STK32B: variants seen among roughly 807,000 people sequenced by gnomAD.
STK32B encodes the protein serine/threonine-protein kinase 32B.
STK32B carries 43 observed loss-of-function variants against 52.6 expected under a neutral mutation model. The ratio of observed to expected loss-of-function variants is 0.82; its 90% CI spans 0.64 to 1.05. The LOEUF is 1.05. STK32B is among the 50% of genes least tolerant of loss of function. The probability of loss-of-function intolerance (pLI) is 0.00; values close to 1 mark genes in which losing one functional copy is unlikely to be tolerated. For missense variants in STK32B, 621 were observed against 534.6 expected, an observed-to-expected ratio of 1.16 and a Z score of -1.59; for synonymous variants, 238 against 204.3, an observed-to-expected ratio of 1.17 and a Z score of -1.41.
At chr4:5,414,388 G>A (rs191482602) in intron 5 of STK32B, among the ~76,000 whole-genome samples, 18 of 151,910 alleles carry the variant, frequency 1.2e-4, no homozygotes, top group East Asian at 7.7e-4. Flanking sequence ...TATTTCTACC[G>A]CAAAACGTGG....
intron 3 of STK32B, among the ~76,000 whole-genome samples, chr4:5,229,222 GT>G (rs3072782): frequency 6.7e-6 from 1 of 148,216 alleles, no homozygotes; most frequent in African/African-American, 2.5e-5. Flanking sequence ...TCTATATTTA[GT>G]TTTTTTTTTC....
chr4:5,051,975 T>G, intron 1 of STK32B, 60 bp downstream of exon 1: 1 of 1,549,710 alleles, frequency 6.5e-7, no homozygotes, highest in Non-Finnish European at 8.7e-7. Context: ...TCCACCACCC[T>G]CGGCCGAGCC....
At chr4:5,265,331 C>A (rs1208641153) in intron 3 of STK32B, among the ~76,000 whole-genome samples, 1 of 152,210 alleles carries the variant, frequency 6.6e-6, no homozygotes, top group East Asian at 1.9e-4. Context: ...ATTCTTTAAT[C>A]CTTTTAACCT....
intron 2 of STK32B, among the ~76,000 whole-genome samples, chr4:5,158,697 C>A (rs1718066363): frequency 6.6e-6 from 1 of 152,134 alleles, no homozygotes; most frequent in Admixed American, 6.5e-5. Context: ...GGGTTGGATT[C>A]TTCCGAGGCC....
At chr4:5,327,637 A>G (rs1731964977) in intron 3 of STK32B, among the ~76,000 whole-genome samples, 1 of 152,008 alleles carries the variant, frequency 6.6e-6, no homozygotes, top group Admixed American at 6.6e-5. Context: ...GTGTGCTGTC[A>G]TCTGGGGTTT....
At chr4:5,440,387 A>G (rs1225510271) in intron 6 of STK32B, among the ~76,000 whole-genome samples, 1 of 152,158 alleles carries the variant, frequency 6.6e-6, no homozygotes, top group Non-Finnish European at 1.5e-5. Context: ...GAGTTCACTC[A>G]TGATTTGGCA....
chr4:5,328,389 G>A (rs1257395832), intron 3 of STK32B, among the ~76,000 whole-genome samples: 2 of 152,198 alleles, frequency 1.3e-5, no homozygotes, highest in African/African-American at 4.8e-5. Flanking sequence ...TGTAAACTGA[G>A]AGATGTGTGA....
At chr4:5,359,969 G>A (rs1734440075) in intron 4 of STK32B, among the ~76,000 whole-genome samples, 1 of 152,224 alleles carries the variant, frequency 6.6e-6, no homozygotes, top group African/African-American at 2.4e-5. Flanking sequence ...GCTTTCGATA[G>A]AGGAGCACAC....
intron 3 of STK32B, among the ~76,000 whole-genome samples, chr4:5,238,436 G>A (rs912806055): frequency 6.6e-6 from 1 of 151,774 alleles, no homozygotes; most frequent in Non-Finnish European, 1.5e-5. Flanking sequence ...AATTCAGAAT[G>A]ATCTCATCTC....
chr4:5,150,729 T>A (rs1717292513), intron 2 of STK32B, among the ~76,000 whole-genome samples: 1 of 152,074 alleles, frequency 6.6e-6, no homozygotes, highest in South Asian at 2.1e-4. Context: ...TTGGATACTC[T>A]TGGATTTCTC....
At chr4:5,335,423 A>G (rs1443496591) in intron 4 of STK32B, among the ~76,000 whole-genome samples, 4 of 152,146 alleles carry the variant, frequency 2.6e-5, no homozygotes, top group Non-Finnish European at 5.9e-5. Flanking sequence ...CCTTTCAAAA[A>G]AACCAGCTCC....
At chr4:5,180,649 G>T (rs1720282624) in intron 3 of STK32B, among the ~76,000 whole-genome samples, 2 of 152,126 alleles carry the variant, frequency 1.3e-5, no homozygotes, top group Admixed American at 1.3e-4. Flanking sequence ...GCCTGTTGGG[G>T]TCATAAGGAC....
At chr4:5,374,819 T>A (rs1277374907) in intron 4 of STK32B, among the ~76,000 whole-genome samples, 2 of 149,860 alleles carry the variant, frequency 1.3e-5, no homozygotes, top group Non-Finnish European at 3.0e-5. Flanking sequence ...GCAGTGAGCA[T>A]AAAAATAAAT....
At chr4:5,449,467 C>T (rs1445860996) in intron 7 of STK32B, among the ~76,000 whole-genome samples, 2 of 152,162 alleles carry the variant, frequency 1.3e-5, no homozygotes, top group Non-Finnish European at 2.9e-5. Flanking sequence ...CCCAGGAAAA[C>T]AGCTGTTTCT....
chr4:5,175,707 C>A (rs1719818675), intron 3 of STK32B, among the ~76,000 whole-genome samples: 1 of 152,040 alleles, frequency 6.6e-6, no homozygotes, highest in African/African-American at 2.4e-5. Context: ...TGTCAATCTG[C>A]CCCTACTGGG....
intron 3 of STK32B, among the ~76,000 whole-genome samples, chr4:5,315,905 G>A (rs765175460): frequency 6.6e-6 from 1 of 150,480 alleles, no homozygotes; most frequent in Non-Finnish European, 1.5e-5. Flanking sequence ...GGGTTTTGCT[G>A]TGTTGGCCAA....
intron 3 of STK32B, among the ~76,000 whole-genome samples, chr4:5,271,846 A>ATTGATT (rs1727453927): frequency 1.4e-5 from 2 of 139,302 alleles, no homozygotes; most frequent in South Asian, 4.4e-4. Flanking sequence ...ATTTTTGTAC[A>ATTGATT]TTGATTTTGT....
chr4:5,253,401 G>A (rs931415418), intron 3 of STK32B, among the ~76,000 whole-genome samples: 1 of 152,036 alleles, frequency 6.6e-6, no homozygotes, highest in South Asian at 2.1e-4. Flanking sequence ...TTTAGACAGG[G>A]TCTGACTCTG....
chr4:5,149,595 T>C (rs1577108244), intron 2 of STK32B, among the ~76,000 whole-genome samples: 1 of 151,944 alleles, frequency 6.6e-6, no homozygotes, highest in East Asian at 1.9e-4. Context: ...ACATAAAATG[T>C]GAAAACCTTA....
Sources: gnomAD v4.1 joint callset for allele counts (sites outside exome capture counted in the v4.1 genomes callset) on GRCh38, gnomAD v4.1.1 for gene constraint, MANE v1.5 for transcripts, NCBI Gene and HGNC (gene_info 2026-07-23, HGNC 2026-07-21) for gene names.